Variants in TRPM3 observed in about 807,000 individuals in gnomAD.
TRPM3 encodes transient receptor potential cation channel subfamily M member 3, also known as long transient receptor potential channel 3.
TRPM3 carries 77 observed loss-of-function variants against 181.2 expected under a neutral mutation model. That is an observed-to-expected ratio of 0.42 (90% confidence interval 0.35 to 0.51). The LOEUF is 0.51. Ranked by LOEUF, TRPM3 falls within the 20% of genes least tolerant of loss-of-function variation. The pLI is 0.01. For missense variants in TRPM3, 1,759 were observed against 2,196.7 expected, an observed-to-expected ratio of 0.80 and a Z score of 3.98; for synonymous variants, 745 against 796.4, an observed-to-expected ratio of 0.94 and a Z score of 1.09.
At chr9:70,965,803 C>T (rs1483505795) in intron 1 of TRPM3, among the ~76,000 whole-genome samples, 3 of 151,826 alleles carry the variant, frequency 2.0e-5, no homozygotes, top group African/African-American at 7.3e-5. Context: ...ATGCTGGACT[C>T]ATAAAGTGGG....
rs1034986296 is a variant in TRPM3 at position 71,132,833 on chromosome 9, A to G, written c.184-268322T>C. On this transcript the variant is annotated intron_variant, in intron 1 of 24. Coordinates refer to the TRPM3 transcript ENST00000357533. ...CATGAATTGATGTCCATATTATCAA[A>G]TATTCTTAGAAAATACAATACTTAA... 2.6e-5 allele frequency among the ~76,000 whole-genome samples: 4 copies of G among 152,286 alleles called. No homozygotes were observed. In the South Asian group the frequency reaches 8.3e-4, roughly 32 times the overall value.
At position 70,827,930 on chromosome 9, in the gene TRPM3, T is replaced by C; in HGVS notation, c.890A>G (p.Asn297Ser). 1.2e-6 allele frequency: 2 copies of C among 1,614,146 alleles called. No individual in the cohort carries two copies. Among genetic ancestry groups the C allele is most frequent in the South Asian group, 1.1e-5 (1 of 91,078 alleles). ...SMHSHFILAD[N>S]GTTGKYGAEV... ...TGCTCCATATTTTCCAGTGGTCCCGTTGTCAGCCAGAATGAAGTGGGAATG... is the reference window on the plus strand; with the variant it reads ...TGCTCCATATTTTCCAGTGGTCCCGCTGTCAGCCAGAATGAAGTGGGAATG... Residue 297 changes from asparagine (N) to serine (S), a missense_variant, in exon 6 of 26, where the codon AAC (asparagine) becomes AGC (serine). Physicochemically the swap from Asn to Ser is conservative, Grantham distance 46. Coordinates refer to ENST00000677713, the MANE Select transcript of TRPM3 (RefSeq NM_001366145.2).
At chr9:70,856,848 T>C (rs2095402760) in intron 3 of TRPM3, among the ~76,000 whole-genome samples, 2 of 152,130 alleles carry the variant, frequency 1.3e-5, no homozygotes, top group South Asian at 4.1e-4. Context: ...AGTCCTTAAT[T>C]AGGTTACACT....
intron 22 of TRPM3, among the ~76,000 whole-genome samples, chr9:70,574,005 C>T (rs1269647255): frequency 1.5e-5 from 2 of 131,218 alleles, no homozygotes; most frequent in Non-Finnish European, 3.5e-5. Context: ...CACACACACA[C>T]ACACACACTA....
chr9:70,776,361 C>T (rs2081355082), intron 7 of TRPM3: 2 of 668,964 alleles, frequency 3.0e-6, no homozygotes, highest in Non-Finnish European at 5.5e-6. Context: ...AATGCTGGCC[C>T]CTGGAACCCT....
intron 1 of TRPM3, among the ~76,000 whole-genome samples, chr9:71,279,119 G>A (rs74673661): frequency 6.8e-6 from 1 of 146,298 alleles, no homozygotes; most frequent in East Asian, 2.1e-4. Context: ...AATTGCTGAA[G>A]AATACCCCAT....
At chr9:71,342,240 A>G (rs1026008095) in intron 1 of TRPM3, among the ~76,000 whole-genome samples, 2 of 91,260 alleles carry the variant, frequency 2.2e-5, no homozygotes, top group Admixed American at 1.5e-4. Flanking sequence ...GAAATTGGTG[A>G]TATCTTTAAA....
At chr9:71,125,310 G>A (rs1232921930), upstream of TRPM3, among the ~76,000 whole-genome samples, 1 of 152,088 alleles carries the variant, frequency 6.6e-6, no homozygotes, top group East Asian at 1.9e-4. Flanking sequence ...CCATCACCTA[G>A]GTATTAAGCC....
chr9:71,358,026 C>A (rs2132709166), intron 1 of TRPM3, among the ~76,000 whole-genome samples: 1 of 152,188 alleles, frequency 6.6e-6, no homozygotes, highest in South Asian at 2.1e-4. Flanking sequence ...AATGAGTGAA[C>A]AATATGGCGA....
At chr9:71,234,250 A>C (rs2081237638) in intron 1 of TRPM3, among the ~76,000 whole-genome samples, 1 of 152,162 alleles carries the variant, frequency 6.6e-6, no homozygotes, top group Admixed American at 6.5e-5. Flanking sequence ...TGATCCATTG[A>C]GTGTTACATA....
intron 1 of TRPM3, among the ~76,000 whole-genome samples, chr9:71,097,824 G>C (rs2067587070): frequency 6.6e-6 from 1 of 152,084 alleles, no homozygotes; most frequent in African/African-American, 2.4e-5. Context: ...CAAACCAATA[G>C]ATGTTGGGGC....
At chr9:70,799,408 A>G (rs894210377) in intron 6 of TRPM3, among the ~76,000 whole-genome samples, 2 of 152,236 alleles carry the variant, frequency 1.3e-5, no homozygotes, top group African/African-American at 4.8e-5. Context: ...TTATTTGATT[A>G]TCTGGACATC....
At chr9:71,015,954 T>C (rs1440721455) in intron 1 of TRPM3, among the ~76,000 whole-genome samples, 2 of 151,936 alleles carry the variant, frequency 1.3e-5, no homozygotes, top group Admixed American at 6.6e-5. Context: ...CCCAGCACTT[T>C]GGGAGGCCGA....
rs1218853800 is a variant in TRPM3, at chr9:71,236,996, G to A, written c.183+209657C>T. On this transcript the variant is annotated intron_variant, in intron 1 of 24. Coordinates refer to the TRPM3 transcript ENST00000357533. The stretch of plus-strand genomic sequence containing the variant: ...TGGGAGGCGGAGGCTGCAGTGAGCC[G>A]AAATCGCACCACTGTACTCCAGCCT... Among the ~76,000 whole-genome samples, 9 of 117,022 alleles carry A rather than the reference G, an allele frequency of 7.7e-5. No homozygotes were observed. In the East Asian group the frequency reaches 1.1e-3, roughly 14 times the overall value. 76.8% of individuals were successfully genotyped at this position (117,022 alleles called of 152,430 possible).
intron 22 of TRPM3, among the ~76,000 whole-genome samples, chr9:70,554,117 G>T (rs2047105443): frequency 6.6e-6 from 1 of 152,070 alleles, no homozygotes; most frequent in Admixed American, 6.6e-5. Flanking sequence ...TGATATGTGG[G>T]ATTGGCTGTG....
intron 1 of TRPM3, among the ~76,000 whole-genome samples, chr9:71,295,838 C>CAAA (rs11383819): frequency 8.0e-4 from 69 of 86,448 alleles, no homozygotes; most frequent in African/African-American, 2.0e-3. Flanking sequence ...GATCCCGTCT[C>CAAA]AAAAAAAAAA....
chr9:70,919,266 T>C (rs903407239), intron 1 of TRPM3, among the ~76,000 whole-genome samples: 1 of 152,234 alleles, frequency 6.6e-6, no homozygotes, highest in Admixed American at 6.5e-5. Flanking sequence ...CCTTTCTAGT[T>C]GAACTTTTCA....
At chr9:71,026,174 A>C (rs1051101210) in intron 1 of TRPM3, among the ~76,000 whole-genome samples, 2 of 152,138 alleles carry the variant, frequency 1.3e-5, no homozygotes, top group African/African-American at 4.8e-5. Flanking sequence ...TCCCTTAGGC[A>C]CAACTTGCTC....
rs71493608 is a variant in TRPM3, at chr9:71,282,370, TGAAA to T, written c.183+164279_183+164282del. ...AAAAGAAAGAAAGAAAAAGAAAGAA[TGAAA>T]GAAAGAAAGAAAGGAAAGAAAGAAA... is the stretch of plus-strand genomic sequence containing the variant. On this transcript the variant is annotated intron_variant, in intron 1 of 24. Transcript: ENST00000357533. Among the ~76,000 whole-genome samples the T allele has an allele frequency of 2.8e-4, 21 of 74,896 alleles. 3 individuals carry two copies. Among genetic ancestry groups the T allele is most frequent in the African/African-American group, 5.1e-4 (6 of 11,814 alleles). 49.1% of individuals were successfully genotyped at this position (74,896 alleles called of 152,430 possible).
Sources: gnomAD v4.1 joint callset for allele counts (sites outside exome capture counted in the v4.1 genomes callset) on GRCh38, gnomAD v4.1.1 for gene constraint, MANE v1.5 for transcripts, NCBI Gene and HGNC (gene_info 2026-07-23, HGNC 2026-07-21) for gene names.